GRHL2: variants seen among roughly 807,000 people sequenced by gnomAD.
GRHL2 encodes the protein grainyhead like transcription factor 2, also known as grainyhead-like protein 2 homolog.
A neutral mutation model predicts 83.8 loss-of-function variants in GRHL2; 21 were observed. The ratio of observed to expected loss-of-function variants is 0.25; its 90% CI spans 0.18 to 0.36. The LOEUF (loss-of-function observed/expected upper bound fraction) is 0.36. Ranked by LOEUF, GRHL2 falls within the 10% of genes least tolerant of loss-of-function variation. The probability of loss-of-function intolerance (pLI) is 1.00; values close to 1 mark genes in which losing one functional copy is unlikely to be tolerated. For synonymous variants in GRHL2, 280 were observed against 278.9 expected (o/e 1.00, Z -0.04); for missense variants, 623 against 781.8 (o/e 0.80, Z 2.42).
At chr8:101,528,798 C>T (rs1810860296) in intron 1 of GRHL2, 1 of 330,292 alleles carries the variant, frequency 3.0e-6, no homozygotes, top group Admixed American at 3.6e-5. Flanking sequence ...CATCTTCAGA[C>T]TTTCTGGAGA....
intron 7 of GRHL2, among the ~76,000 whole-genome samples, chr8:101,582,591 C>G (rs1812079336): frequency 6.6e-6 from 1 of 152,190 alleles, no homozygotes; most frequent in Non-Finnish European, 1.5e-5. Flanking sequence ...TAGGGGTCCA[C>G]AGACCCAGAA....
At chr8:101,509,967 T>C (rs542064520) in intron 1 of GRHL2, among the ~76,000 whole-genome samples, 101 of 152,130 alleles carry the variant, frequency 6.6e-4, no homozygotes, top group Non-Finnish European at 1.2e-3. Flanking sequence ...CTTTAAGTAA[T>C]TGGTTGTATT....
chr8:101,645,637 T>C (rs900544094), intron 13 of GRHL2, among the ~76,000 whole-genome samples: 4 of 151,984 alleles, frequency 2.6e-5, no homozygotes, highest in African/African-American at 9.7e-5. Context: ...ATGGCAGGAG[T>C]GCCTACCTCA....
rs368322735 is a variant in GRHL2 at position 101,631,678 on chromosome 8, C to T, written c.1299C>T (p.Asn433=). ...TCCGAGATGAAGAGCGGAAGCAGAA[C>T]AGGAAGAAAGGGAAAGGCCAGGCCT... ...RKIRDEERKQ[N]RKKGKGQASQ... is the part of the protein sequence containing the mutation. The change falls in exon 10 of 16, where the codon AAC becomes AAT. Residue 433 remains asparagine, a synonymous_variant. Transcript: ENST00000646743. The T allele has an allele frequency of 8.3e-5, 134 of 1,613,646 alleles. No homozygotes were observed. Among genetic ancestry groups the T allele is most frequent in the Middle Eastern group, 3.3e-4 (2 of 6,056 alleles).
intron 15 of GRHL2, among the ~76,000 whole-genome samples, chr8:101,665,484 C>T (rs1306892528): frequency 6.6e-6 from 1 of 152,192 alleles, no homozygotes; most frequent in South Asian, 2.1e-4. Flanking sequence ...CCCTTTCCAC[C>T]TGAGCTCTTG....
chr8:101,581,922 GATACAGTAATCAAGACAAA>G (rs1812061092), intron 7 of GRHL2, among the ~76,000 whole-genome samples: 1 of 152,174 alleles, frequency 6.6e-6, no homozygotes, highest in Non-Finnish European at 1.5e-5. Context: ...CACATTCATA[GATACAGTAATCAAGACAAA>G]AAAAGTGGGA....
intron 5 of GRHL2, among the ~76,000 whole-genome samples, 195 bp downstream of exon 5, chr8:101,570,589 C>T (rs919531897): frequency 2.6e-5 from 4 of 151,276 alleles, no homozygotes; most frequent in Admixed American, 2.0e-4. Context: ...TTTTCTGGGA[C>T]CTACACCCCT....
chr8:101,521,986 A>C (rs932150272), intron 1 of GRHL2, among the ~76,000 whole-genome samples: 1 of 152,156 alleles, frequency 6.6e-6, no homozygotes, highest in Non-Finnish European at 1.5e-5. Context: ...CTGAGTGGGA[A>C]ATTTAGGGCA....
intron 13 of GRHL2, among the ~76,000 whole-genome samples, chr8:101,644,644 C>T (rs577435875): frequency 6.6e-6 from 1 of 152,266 alleles, no homozygotes; most frequent in South Asian, 2.1e-4. Context: ...TCATTTTCTC[C>T]CAGTCAAAGG....
intron 14 of GRHL2, among the ~76,000 whole-genome samples, chr8:101,650,649 A>T (rs1208900973): frequency 6.6e-6 from 1 of 151,962 alleles, no homozygotes; most frequent in Non-Finnish European, 1.5e-5. Context: ...TTGCCAGGGG[A>T]TGGGGGTAGG....
chr8:101,631,781 C>T, intron 10 of GRHL2, 57 bp downstream of exon 10: 1 of 1,389,272 alleles, frequency 7.2e-7, no homozygotes, highest in Non-Finnish European at 1.0e-6. Flanking sequence ...GCTGTGTCCA[C>T]TGGGGGAACA....
rs34550163 is a variant in GRHL2 at position 101,636,911 on chromosome 8, G to A, written c.1500G>A (p.Thr500=). The A allele has an allele frequency of 9.9e-4, 1,592 of 1,613,706 alleles. 13 individuals carry two copies. The African/African-American group carries it at 0.015, about 15-fold the overall frequency. ...TTGTTCCACAGGTGTATTACAACACGGATGATGAACGAGAAGGGTAAGACA... is the reference window on the plus strand; with the variant it reads ...TTGTTCCACAGGTGTATTACAACACAGATGATGAACGAGAAGGGTAAGACA... ...LQRTGQVYYN[T]DDEREGGSVL... is the part of the protein sequence containing the mutation. Residue 500 remains threonine (T), a synonymous_variant, in exon 12 of 16, where the codon ACG becomes ACA. Coordinates refer to ENST00000646743, the MANE Select transcript of GRHL2 (RefSeq NM_024915.4).
intron 7 of GRHL2, among the ~76,000 whole-genome samples, chr8:101,598,018 T>C (rs1812428174): frequency 6.6e-6 from 1 of 152,078 alleles, no homozygotes. Context: ...ACTTTAGTCA[T>C]GGAACAACAG....
chr8:101,628,240 G>T (rs1216467093), intron 9 of GRHL2, among the ~76,000 whole-genome samples: 1 of 152,004 alleles, frequency 6.6e-6, no homozygotes, highest in Non-Finnish European at 1.5e-5. Flanking sequence ...TAATGCAGCT[G>T]CTCTCTTAAA....
chr8:101,607,653 C>G (rs1262617408), intron 8 of GRHL2, among the ~76,000 whole-genome samples: 1 of 152,094 alleles, frequency 6.6e-6, no homozygotes, highest in East Asian at 1.9e-4. Context: ...GGGGGGCACT[C>G]CTGGGAGGGG....
At position 101,570,363 on chromosome 8, in the gene GRHL2, G is replaced by T. The variant is rs1304118890; in HGVS notation, c.703G>T (p.Ala235Ser). Residue 235 changes from alanine to serine, a missense_variant, in exon 5 of 16, where the codon GCT becomes TCT. Physicochemically the swap from Ala to Ser is moderately conservative, Grantham distance 99. Transcript: ENST00000646743. ...TEKFRSASVG[A>S]EEYMYDQTSS... ...GAAATTTCGGAGTGCTTCAGTTGGGGCTGAGGAGTACATGTATGATCAGAC... is the reference window on the plus strand; with the variant it reads ...GAAATTTCGGAGTGCTTCAGTTGGGTCTGAGGAGTACATGTATGATCAGAC... 2 of 1,613,884 alleles carry T rather than the reference G, an allele frequency of 1.2e-6. No homozygotes were observed. The highest frequency in any genetic ancestry group is 1.7e-5 in the Admixed American group (1 of 60,006).
chr8:101,497,882 A>C (rs955530576), intron 1 of GRHL2, among the ~76,000 whole-genome samples: 1 of 152,210 alleles, frequency 6.6e-6, no homozygotes, highest in Admixed American at 6.5e-5. Flanking sequence ...CATGGATATA[A>C]GACTTCTTAG....
intron 4 of GRHL2, 145 bp downstream of exon 4, chr8:101,558,957 G>T (rs111298491): frequency 2.3e-6 from 2 of 866,526 alleles, no homozygotes. Context: ...TTTGTTGGTA[G>T]TCTGGCATTC....
chr8:101,569,142 A>G (rs1180638979), intron 4 of GRHL2, among the ~76,000 whole-genome samples: 6 of 152,226 alleles, frequency 3.9e-5, no homozygotes, highest in African/African-American at 4.8e-5. Flanking sequence ...TACGTGGTCA[A>G]TGAAATGCTT....
Sources: gnomAD v4.1 joint callset for allele counts (sites outside exome capture counted in the v4.1 genomes callset) on GRCh38, gnomAD v4.1.1 for gene constraint, MANE v1.5 for transcripts, NCBI Gene and HGNC (gene_info 2026-07-23, HGNC 2026-07-21) for gene names.